Variants in TRIM44 observed in about 807,000 individuals in gnomAD.
TRIM44 encodes tripartite motif-containing protein 44.
Under a neutral mutation model 37.4 loss-of-function variants are expected in TRIM44, and 13 were observed. The ratio of observed to expected loss-of-function variants is 0.35; its 90% CI spans 0.23 to 0.55. TRIM44 has a LOEUF of 0.55. Among genes scored for constraint, TRIM44 ranks in the 20% least tolerant of loss-of-function variants. The pLI is 0.89. For synonymous variants in TRIM44, 175 were observed against 157.2 expected (o/e 1.11, Z -0.85); for missense variants, 426 against 437.2 (o/e 0.97, Z 0.23).
intron 4 of TRIM44, among the ~76,000 whole-genome samples, chr11:35,754,347 T>C (rs1852598776): frequency 6.6e-6 from 1 of 152,140 alleles, no homozygotes; most frequent in African/African-American, 2.4e-5. Flanking sequence ...ATAGCCAGTG[T>C]CCATGCTGCC....
rs565745093 is a variant in TRIM44, at chr11:35,754,678, C to G, written c.1007+19233C>G. Among the ~76,000 whole-genome samples the G allele has an allele frequency of 4.0e-4, 56 of 139,434 alleles. 1 individual carries two copies. In the South Asian group the frequency reaches 0.015, roughly 38 times the overall value. The allele number at this position is 139,434 out of a possible 152,430, so 91.5% of individuals were successfully genotyped here. A position where few individuals can be genotyped will look rare whatever the true frequency, so the allele number is the denominator to read the frequency against. ...CCTCCCCCCACCCCACAGCAGGCCC[C>G]GGTGTGTGATGGTCCCCTTCCTGTG... On this transcript the variant is annotated intron_variant, in intron 4 of 4. Coordinates refer to ENST00000299413, the MANE Select transcript of TRIM44 (RefSeq NM_017583.6).
At position 35,727,356 on chromosome 11, in the gene TRIM44, C is replaced by T. The variant is rs1365759024; in HGVS notation, c.987+1193C>T. Among the ~76,000 whole-genome samples, 3 of 152,272 alleles carry T rather than the reference C, an allele frequency of 2.0e-5. No individual in the cohort carries two copies. The East Asian group carries it at 5.8e-4, about 29-fold the overall frequency. On this transcript the variant is annotated intron_variant, in intron 3 of 4. Coordinates refer to ENST00000299413, the MANE Select transcript of TRIM44 (RefSeq NM_017583.6). ...CTCAGCAAGTCCATCCTTAACTGGA[C>T]GTCCTGCCTTGGCTTGAGAGAGCCT...
chr11:35,709,360 C>T (rs1851937503), intron 2 of TRIM44, among the ~76,000 whole-genome samples: 1 of 152,102 alleles, frequency 6.6e-6, no homozygotes, highest in Admixed American at 6.6e-5. Flanking sequence ...TCTCAGATTC[C>T]CTTGATTAAC....
intron 4 of TRIM44, among the ~76,000 whole-genome samples, chr11:35,764,213 C>A (rs1161540404): frequency 6.6e-6 from 1 of 152,188 alleles, no homozygotes; most frequent in Non-Finnish European, 1.5e-5. Context: ...GTGTTAACAA[C>A]TCCTGCTCCA....
At chr11:35,778,912 G>T (rs1220367971) in intron 4 of TRIM44, among the ~76,000 whole-genome samples, 1 of 152,214 alleles carries the variant, frequency 6.6e-6, no homozygotes, top group South Asian at 2.1e-4. Context: ...CACTTGAGGA[G>T]GCAGTCTGTC....
chr11:35,733,124 GT>G (rs1383271346), intron 3 of TRIM44, among the ~76,000 whole-genome samples: 3 of 152,214 alleles, frequency 2.0e-5, no homozygotes, highest in Non-Finnish European at 4.4e-5. Flanking sequence ...AATCCATATG[GT>G]GACCCTTTGA....
At chr11:35,693,276 AT>A (rs1851659257) in intron 2 of TRIM44, among the ~76,000 whole-genome samples, 1 of 152,132 alleles carries the variant, frequency 6.6e-6, no homozygotes, top group Non-Finnish European at 1.5e-5. Context: ...CTCAGGCCAT[AT>A]TTAGTTTGCT....
At chr11:35,689,971 T>G (rs1224835071) in intron 2 of TRIM44, among the ~76,000 whole-genome samples, 1 of 152,246 alleles carries the variant, frequency 6.6e-6, no homozygotes, top group African/African-American at 2.4e-5. Flanking sequence ...CTGGTGTGCT[T>G]GAAGCAAACA....
At chr11:35,742,553 A>G (rs1357756006) in intron 4 of TRIM44, among the ~76,000 whole-genome samples, 3 of 131,910 alleles carry the variant, frequency 2.3e-5, no homozygotes. Flanking sequence ...TAATTATATT[A>G]ATTGTATTAT....
chr11:35,804,107 G>A (rs1853415127), intron 4 of TRIM44, among the ~76,000 whole-genome samples: 1 of 152,042 alleles, frequency 6.6e-6, no homozygotes, highest in African/African-American at 2.4e-5. Flanking sequence ...CTAGCATCAT[G>A]ACTTACACAT....
At chr11:35,698,975 A>G (rs1851742582) in intron 2 of TRIM44, among the ~76,000 whole-genome samples, 1 of 143,880 alleles carries the variant, frequency 7.0e-6, no homozygotes, top group South Asian at 2.3e-4. Context: ...GGTGTAAGGA[A>G]GGGATCCAGT....
chr11:35,763,201 TAGAGCAGA>T (rs1852751063), intron 4 of TRIM44, among the ~76,000 whole-genome samples: 2 of 152,026 alleles, frequency 1.3e-5, no homozygotes, highest in African/African-American at 4.8e-5. Flanking sequence ...TCCACCCTAG[TAGAGCAGA>T]AAATCACTGT....
intron 4 of TRIM44, among the ~76,000 whole-genome samples, chr11:35,737,373 T>C (rs1388020409): frequency 6.6e-6 from 1 of 152,108 alleles, no homozygotes; most frequent in African/African-American, 2.4e-5. Context: ...GAAAATGAAT[T>C]GGAGGTGGAT....
chr11:35,774,754 G>A (rs1477591703), intron 4 of TRIM44, among the ~76,000 whole-genome samples: 2 of 152,082 alleles, frequency 1.3e-5, no homozygotes, highest in Non-Finnish European at 2.9e-5. Flanking sequence ...TTTTTGTCAG[G>A]GTTGTCAAAG....
At chr11:35,780,359 G>A (rs1486571636) in intron 4 of TRIM44, among the ~76,000 whole-genome samples, 1 of 152,196 alleles carries the variant, frequency 6.6e-6, no homozygotes. Context: ...TTAGTGTTTT[G>A]AGAATGTACT....
intron 3 of TRIM44, among the ~76,000 whole-genome samples, chr11:35,729,848 A>G (rs887478716): frequency 1.3e-5 from 2 of 152,194 alleles, no homozygotes; most frequent in Non-Finnish European, 2.9e-5. Flanking sequence ...CAGACCAAAG[A>G]ACCAATAAAA....
At chr11:35,679,356 A>T (rs1450069409) in intron 1 of TRIM44, among the ~76,000 whole-genome samples, 1 of 152,212 alleles carries the variant, frequency 6.6e-6, no homozygotes, top group Non-Finnish European at 1.5e-5. Flanking sequence ...TTCCATTAGC[A>T]TGAAATGTTA....
At chr11:35,673,039 T>A (rs1185088535) in intron 1 of TRIM44, among the ~76,000 whole-genome samples, 6 of 152,212 alleles carry the variant, frequency 3.9e-5, no homozygotes, top group Non-Finnish European at 1.5e-5. Flanking sequence ...TGTACTTTCT[T>A]AACCTGTAAA....
chr11:35,739,016 A>G (rs774640435), intron 4 of TRIM44, among the ~76,000 whole-genome samples: 5 of 152,168 alleles, frequency 3.3e-5, no homozygotes, highest in Admixed American at 6.5e-5. Flanking sequence ...CCTCTCTACT[A>G]GCTGGAGTGT....
Sources: gnomAD v4.1 joint callset for allele counts (sites outside exome capture counted in the v4.1 genomes callset) on GRCh38, gnomAD v4.1.1 for gene constraint, MANE v1.5 for transcripts, NCBI Gene and HGNC (gene_info 2026-07-23, HGNC 2026-07-21) for gene names.